The following DROSHA variants were observed in gnomAD, a reference collection of about 807,000 sequenced individuals.
DROSHA encodes the protein drosha ribonuclease III, also known as ribonuclease 3.
DROSHA carries 56 observed loss-of-function variants against 181.9 expected under a neutral mutation model. That is an observed-to-expected ratio of 0.31 (90% confidence interval 0.25 to 0.38). The LOEUF (loss-of-function observed/expected upper bound fraction) is 0.38, where lower values mean the gene tolerates loss of function less well. Ranked by LOEUF, DROSHA falls within the 10% of genes least tolerant of loss-of-function variation. The pLI, the probability that DROSHA is intolerant of heterozygous loss-of-function variation, is 1.00. For missense variants in DROSHA, 1,218 were observed against 1,743.5 expected, an observed-to-expected ratio of 0.70 and a Z score of 5.37; for synonymous variants, 524 against 591.2, an observed-to-expected ratio of 0.89 and a Z score of 1.65.
intron 16 of DROSHA, among the ~76,000 whole-genome samples, chr5:31,479,220 C>A (rs959348526): frequency 6.6e-6 from 1 of 152,082 alleles, no homozygotes; most frequent in Non-Finnish European, 1.5e-5. Context: ...TAAAACAATA[C>A]AAATCAAGCC....
chr5:31,485,103 C>A, intron 14 of DROSHA, 141 bp from the exon 15 acceptor site: 1 of 565,468 alleles, frequency 1.8e-6, no homozygotes, highest in Non-Finnish European at 3.1e-6. Flanking sequence ...AGAGTTTGGC[C>A]ACTGATCGCT....
intron 30 of DROSHA, among the ~76,000 whole-genome samples, chr5:31,418,253 G>GAC (rs143546629): frequency 6.6e-6 from 1 of 151,918 alleles, no homozygotes; most frequent in East Asian, 1.9e-4. Context: ...CAGAGAGAGA[G>GAC]AGAGAGAGGG....
At position 31,495,379 on chromosome 5, in the gene DROSHA, G is replaced by T. The variant is rs762052766; in HGVS notation, c.1669-7C>A. The T allele has an allele frequency of 5.0e-6, 8 of 1,608,352 alleles. No individual in the cohort carries two copies. The highest frequency in any genetic ancestry group is 6.8e-6 in the Non-Finnish European group (8 of 1,178,102). ...GACGACAGGGCTTGATGGCCTGAGGGGAAAAAAACGAAAATCAGTTTACAA... is the reference window on the plus strand; with the variant it reads ...GACGACAGGGCTTGATGGCCTGAGGTGAAAAAAACGAAAATCAGTTTACAA... On this transcript the variant is annotated splice_polypyrimidine_tract_variant and splice_region_variant and intron_variant, in intron 11 of 35. Coordinates refer to ENST00000344624, the MANE Select transcript of DROSHA (RefSeq NM_001382508.1).
intron 6 of DROSHA, among the ~76,000 whole-genome samples, chr5:31,516,448 A>AT (rs916894034): frequency 2.0e-5 from 3 of 152,238 alleles, no homozygotes; most frequent in African/African-American, 7.2e-5. Flanking sequence ...AGTAATAAGT[A>AT]TTCTCATTAA....
At chr5:31,418,667 G>A (rs996015067) in intron 30 of DROSHA, among the ~76,000 whole-genome samples, 1 of 152,126 alleles carries the variant, frequency 6.6e-6, no homozygotes, top group African/African-American at 2.4e-5. Flanking sequence ...AGCTCATAAG[G>A]AAGAGGATAA....
At chr5:31,485,156 T>C (rs1282023679) in intron 14 of DROSHA, among the ~76,000 whole-genome samples, 194 bp from the exon 15 acceptor site, 4 of 152,180 alleles carry the variant, frequency 2.6e-5, no homozygotes, top group Non-Finnish European at 5.9e-5. Flanking sequence ...CCACTAGGAT[T>C]CCTTAATGTC....
chr5:31,529,734 C>CAAAAA (rs70955715), intron 3 of DROSHA, among the ~76,000 whole-genome samples: 23 of 91,316 alleles, frequency 2.5e-4, no homozygotes, highest in African/African-American at 8.9e-4. Flanking sequence ...AAAAAACAAA[C>CAAAAA]AAAAAAAAAA....
At chr5:31,482,703 G>C (rs1751171264) in intron 16 of DROSHA, among the ~76,000 whole-genome samples, 1 of 152,080 alleles carries the variant, frequency 6.6e-6, no homozygotes, top group Admixed American at 6.5e-5. Context: ...ATTTGATAAA[G>C]CAGGTAATTG....
chr5:31,515,307 A>T, intron 7 of DROSHA, 88 bp from the exon 8 acceptor site: 1 of 1,411,186 alleles, frequency 7.1e-7, no homozygotes. Flanking sequence ...TGCATTTTTC[A>T]CCTAAAATAT....
chr5:31,504,606 G>A lies in DROSHA; in HGVS notation c.1617C>T (p.Ser539=), dbSNP rs372996287. The A allele has an allele frequency of 3.6e-5, 58 of 1,613,748 alleles. No individual in the cohort carries two copies. The highest frequency in any genetic ancestry group is 4.5e-5 in the East Asian group (2 of 44,892). ...QMNDGPLCKC[S]AKARRTGIRH... The stretch of plus-strand genomic sequence containing the variant: ...TAATTCCTGTGCGTCTTGCCTTTGC[G>A]CTGCATTTGCAGAGTGGTCCATCAT... The change falls in exon 11 of 36, where the codon AGC becomes AGT. Residue 539 remains serine (S), a synonymous_variant. Coordinates refer to ENST00000344624, the MANE Select transcript of DROSHA (RefSeq NM_001382508.1).
chr5:31,502,773 C>T (rs1259695186), intron 11 of DROSHA, among the ~76,000 whole-genome samples: 1 of 152,150 alleles, frequency 6.6e-6, no homozygotes, highest in East Asian at 1.9e-4. Context: ...GTGGCTGAAC[C>T]GAAAACAGAT....
intron 13 of DROSHA, among the ~76,000 whole-genome samples, chr5:31,486,998 C>A (rs1417750292): frequency 6.6e-6 from 1 of 152,140 alleles, no homozygotes; most frequent in African/African-American, 2.4e-5. Context: ...TGAAAACACC[C>A]AATTCATGCT....
At chr5:31,473,791 C>T (rs1185769224) in intron 16 of DROSHA, among the ~76,000 whole-genome samples, 1 of 152,134 alleles carries the variant, frequency 6.6e-6, no homozygotes, top group Non-Finnish European at 1.5e-5. Context: ...GAGCAAATGC[C>T]CTAAGGTGGA....
intron 5 of DROSHA, 57 bp downstream of exon 5, chr5:31,526,022 G>A (rs1274197359): frequency 6.8e-7 from 1 of 1,465,208 alleles, no homozygotes; most frequent in Non-Finnish European, 9.1e-7. Context: ...CATAAATGGA[G>A]AATGACCGTG....
chr5:31,440,238 C>T (rs1032815134), intron 23 of DROSHA, among the ~76,000 whole-genome samples: 1 of 152,180 alleles, frequency 6.6e-6, no homozygotes. Context: ...CTAACTCCCA[C>T]CATCCCACCC....
At chr5:31,426,370 A>T (rs903046186) in intron 27 of DROSHA, among the ~76,000 whole-genome samples, 3 of 152,212 alleles carry the variant, frequency 2.0e-5, no homozygotes, top group African/African-American at 7.2e-5. Flanking sequence ...TTGTTCATGC[A>T]ACATGTTTTT....
intron 23 of DROSHA, among the ~76,000 whole-genome samples, chr5:31,443,457 G>A (rs7712155): frequency 0.25 from 37,459 of 151,772 alleles, 5,127 homozygotes; most frequent in East Asian, 0.35. Context: ...CTGATAATAC[G>A]TCGATTACTT....
intron 23 of DROSHA, among the ~76,000 whole-genome samples, chr5:31,438,746 T>C (rs1216888006): frequency 6.6e-6 from 1 of 151,866 alleles, no homozygotes; most frequent in African/African-American, 2.4e-5. Flanking sequence ...GAATTTCAGG[T>C]GATGAATTAT....
In DROSHA at chr5:31,406,952, G is replaced by GGGAAA; in HGVS notation, c.3855-12_3855-8dup. The stretch of plus-strand genomic sequence containing the variant: ...GCCCACTGTCTGCAGAGTCCTGAAA[G>GGGAAA]GGAAAGGAAAGAACATTTATTATGG... On this transcript the variant is annotated splice_polypyrimidine_tract_variant and splice_region_variant and intron_variant, in intron 33 of 35. Transcript: ENST00000344624. 1 of 1,611,542 alleles carries GGGAAA rather than the reference G, an allele frequency of 6.2e-7. No homozygotes were observed. Among genetic ancestry groups the GGGAAA allele is most frequent in the Non-Finnish European group, 8.5e-7 (1 of 1,178,500 alleles).
Sources: allele counts gnomAD v4.1 joint callset (sites outside exome capture counted in the v4.1 genomes callset), GRCh38; gene constraint gnomAD v4.1.1; transcripts MANE v1.5; gene names NCBI Gene and HGNC (gene_info 2026-07-23, HGNC 2026-07-21).